ABCA8: variants seen among roughly 807,000 people sequenced by gnomAD.
ABCA8 encodes ABC-type organic anion transporter ABCA8.
A neutral mutation model predicts 192.3 loss-of-function variants in ABCA8; 177 were observed. The ratio of observed to expected loss-of-function variants is 0.92; its 90% CI spans 0.81 to 1.04. The LOEUF (loss-of-function observed/expected upper bound fraction) is 1.04. Ranked by LOEUF, ABCA8 falls within the 50% of genes least tolerant of loss-of-function variation. The probability of loss-of-function intolerance (pLI) is 0.00; values close to 1 mark genes in which losing one functional copy is unlikely to be tolerated. For missense variants in ABCA8, 1,915 were observed against 1,904.8 expected (o/e 1.01, Z -0.10); for synonymous variants, 642 against 690.2 (o/e 0.93, Z 1.09).
Position 68,929,163 on chromosome 17 carries a change from G to A in ABCA8, c.1011C>T (p.Leu337=), listed in dbSNP as rs1362628306. The A allele has an allele frequency of 1.2e-6, 2 of 1,611,662 alleles. No individual in the cohort carries two copies. Among genetic ancestry groups the A allele is most frequent in the South Asian group, 1.1e-5 (1 of 90,474 alleles). The change falls in exon 9 of 40, where the codon CTC becomes CTT. Residue 337 remains leucine (L), a synonymous_variant. Coordinates refer to ENST00000586539, the MANE Select transcript of ABCA8 (RefSeq NM_001288985.2). ...SFLTGLVVFL[L]TVFWGCLGFT... is the part of the protein sequence containing the mutation. ...ACCCCAGACACCCCCAAAAGACAGT[G>A]AGGAGGAACACGACCAGGCCGGTGA...
rs748721374 is a variant in ABCA8 at position 68,868,036 on chromosome 17, G to A, written c.*49C>T. 2 of 1,280,128 alleles carry A rather than the reference G, an allele frequency of 1.6e-6. No individual in the cohort carries two copies. 79.3% of individuals were successfully genotyped at this position (1,280,128 alleles called of 1,614,324 possible). A position where few individuals can be genotyped will look rare whatever the true frequency, so the allele number is the denominator to read the frequency against. On this transcript the variant is annotated 3_prime_UTR_variant, in exon 40 of 40. Coordinates refer to ENST00000586539, the MANE Select transcript of ABCA8 (RefSeq NM_001288985.2). ...GAACATTGCTGCTATAAAAATAAAT[G>A]TATTTAAAAAAAACCACGGGTTTAA...
intron 1 of ABCA8, among the ~76,000 whole-genome samples, chr17:68,953,681 C>T (rs1185704108): frequency 6.6e-6 from 1 of 152,118 alleles, no homozygotes; most frequent in Admixed American, 6.5e-5. Context: ...GAAAATTCAG[C>T]ATGGATACTT....
chr17:68,881,931 C>G lies in ABCA8; in HGVS notation c.3878G>C (p.Arg1293Thr). 7.4e-6 allele frequency: 12 copies of G among 1,614,114 alleles called. No individual in the cohort carries two copies. The highest frequency in any genetic ancestry group is 1.0e-5 in the Non-Finnish European group (12 of 1,179,976). ...CTTCCTCTTGGAAAAACAGCCTTTCCTCTTCCCTGCATACTCCTTGCGTAG... is the reference window on the plus strand; with the variant it reads ...CTTCCTCTTGGAAAAACAGCCTTTCGTCTTCCCTGCATACTCCTTGCGTAG... ...SCLRKEYAGK[R>T]KGCFSKRKNK... Residue 1293 changes from arginine to threonine, a missense_variant, in exon 31 of 40, where the codon AGG (arginine) becomes ACG (threonine). Physicochemically the swap from Arg to Thr is moderately conservative, Grantham distance 71 (BLOSUM62 -1). Coordinates refer to ENST00000586539, the MANE Select transcript of ABCA8 (RefSeq NM_001288985.2).
At chr17:68,924,954 C>T in intron 10 of ABCA8, 85 bp from the exon 11 acceptor site, 1 of 1,387,136 alleles carries the variant, frequency 7.2e-7, no homozygotes, top group East Asian at 2.3e-5. Context: ...GGCAACACAG[C>T]CCTTTGTTGC....
At position 68,922,190 on chromosome 17, in the gene ABCA8, CTCTCTTTTTTTT is replaced by C. The variant is rs1567863679; in HGVS notation, c.1501+40_1501+51del. The C allele has an allele frequency of 2.1e-4, 136 of 639,696 alleles. 1 individual carries two copies. The highest frequency in any genetic ancestry group is 1.9e-3 in the African/African-American group (60 of 31,910). The allele number at this position is 639,696 out of a possible 1,614,324, so 39.6% of individuals were successfully genotyped here. On this transcript the variant is annotated intron_variant, in intron 12 of 39. Coordinates refer to ENST00000586539, the MANE Select transcript of ABCA8 (RefSeq NM_001288985.2). ...AATATAACAAATATTTTCTTTCTCT[CTCTCTTTTTTTT>C]TTTTTTTTTTTTTTTTTTTTTTTTT...
chr17:68,905,829 G>T (rs2067050950), intron 19 of ABCA8, among the ~76,000 whole-genome samples: 1 of 152,100 alleles, frequency 6.6e-6, no homozygotes. Flanking sequence ...GCCCTTAGAA[G>T]CCTAGAGCTA....
At position 68,891,597 on chromosome 17, in the gene ABCA8, C is replaced by G; in HGVS notation, c.3037-1G>C. ...ATCCGATTGGATTGTCCTGTCCATT[C>G]TGAAAAACCCAAAGAATACAATGAA... On this transcript the variant is annotated splice_acceptor_variant, in intron 23 of 39. Transcript: ENST00000586539. LOFTEE classifies it high-confidence loss of function. 1 of 1,600,398 alleles carries G rather than the reference C, an allele frequency of 6.2e-7. No individual in the cohort carries two copies. Among genetic ancestry groups the G allele is most frequent in the Non-Finnish European group, 8.5e-7 (1 of 1,172,382 alleles).
At chr17:68,946,050 A>AAATTAATTAATTAATTAATT (rs34544091) in intron 2 of ABCA8, among the ~76,000 whole-genome samples, 23 of 148,780 alleles carry the variant, frequency 1.5e-4, no homozygotes, top group Admixed American at 1.4e-3. Flanking sequence ...CTTTTTACCA[A>AAATTAATTAATTAATTAATT]AATTAATTAA....
At chr17:68,913,894 G>A (rs2067284001) in intron 17 of ABCA8, among the ~76,000 whole-genome samples, 1 of 151,942 alleles carries the variant, frequency 6.6e-6, no homozygotes, top group East Asian at 1.9e-4. Context: ...GAATATTGAT[G>A]TGAAAATCCT....
chr17:68,946,314 C>T (rs1342877855), intron 2 of ABCA8, among the ~76,000 whole-genome samples: 3 of 152,242 alleles, frequency 2.0e-5, no homozygotes, highest in East Asian at 1.9e-4. Context: ...GATCTGCCCA[C>T]GTTGGCCTCC....
At chr17:68,924,355 A>AC (rs2067633237) in intron 11 of ABCA8, among the ~76,000 whole-genome samples, 1 of 151,914 alleles carries the variant, frequency 6.6e-6, no homozygotes, top group South Asian at 2.1e-4. Context: ...AAAAAAAAAA[A>AC]AAAGGGAGAT....
Position 68,929,198 on chromosome 17 carries a change from T to C in ABCA8, c.976A>G (p.Lys326Glu). The change falls in exon 9 of 40, where the codon AAA becomes GAA. Residue 326 changes from lysine to glutamate, a missense_variant. Coordinates refer to ENST00000586539, the MANE Select transcript of ABCA8 (RefSeq NM_001288985.2). ...LAFLMSILVK[K>E]SFLTGLVVFL... ...ACGACCAGGCCGGTGAGGAAAGATT[T>C]CTTTACCAAGATGCTCATTAAGAAA... 1 of 1,604,748 alleles carries C rather than the reference T, an allele frequency of 6.2e-7. No homozygotes were observed. Among genetic ancestry groups the C allele is most frequent in the East Asian group, 2.2e-5 (1 of 44,770 alleles).
rs370830810 is a variant in ABCA8 at position 68,887,906 on chromosome 17, A to ATATATATATATATG, written c.3145-401_3145-400insCATATATATATATA. Among the ~76,000 whole-genome samples the ATATATATATATATG allele has an allele frequency of 1.1e-3, 68 of 60,870 alleles. 1 individual carries two copies. Among genetic ancestry groups the ATATATATATATATG allele is most frequent in the African/African-American group, 6.1e-3 (65 of 10,576 alleles). 39.9% of individuals were successfully genotyped at this position (60,870 alleles called of 152,430 possible). On this transcript the variant is annotated intron_variant, in intron 24 of 39. Coordinates refer to ENST00000586539, the MANE Select transcript of ABCA8 (RefSeq NM_001288985.2). ...CATATATATATATATATATATATAT[A>ATATATATATATATG]TCCATATATATATATATATTATATA...
At chr17:68,907,936 A>G in intron 17 of ABCA8, 57 bp from the exon 18 acceptor site, 1 of 1,456,686 alleles carries the variant, frequency 6.9e-7, no homozygotes, top group Non-Finnish European at 9.1e-7. Context: ...CTCCAATAGC[A>G]AGAAAATAAT....
chr17:68,945,409 G>A (rs1159118393), intron 2 of ABCA8, among the ~76,000 whole-genome samples: 1 of 151,808 alleles, frequency 6.6e-6, no homozygotes, highest in Non-Finnish European at 1.5e-5. Flanking sequence ...TATTAATTTT[G>A]TCAATCTCTA....
At chr17:68,877,412 G>C in intron 33 of ABCA8, 107 bp downstream of exon 33, 1 of 1,029,974 alleles carries the variant, frequency 9.7e-7, no homozygotes, top group Non-Finnish European at 1.4e-6. Context: ...AGTGTGACCT[G>C]GGTCAGCATT....
chr17:68,933,340 C>T (rs2067964501), intron 5 of ABCA8, 69 bp from the exon 6 acceptor site: 3 of 998,144 alleles, frequency 3.0e-6, no homozygotes, highest in Non-Finnish European at 4.5e-6. Context: ...GATTTTAATA[C>T]TGATTATAGC....
rs2068085178 is a variant in ABCA8 at position 68,936,980 on chromosome 17, G to A, written c.437C>T (p.Pro146Leu). Residue 146 changes from proline to leucine, a missense_variant, in exon 5 of 40, where the codon CCA (proline) becomes CTA (leucine). Physicochemically the swap from Pro to Leu is moderately conservative, Grantham distance 98 (BLOSUM62 -3). Coordinates refer to ENST00000586539, the MANE Select transcript of ABCA8 (RefSeq NM_001288985.2). ...ATGGTCCTTGTGCTCCTTCTTTGCT[G>A]GCATTCCATGTCCTAGCAAGAACTT... is the stretch of plus-strand genomic sequence containing the variant. ...HLKFLLGHGM[P>L]AKKEHKDHTA... is the part of the protein sequence containing the mutation. The A allele has an allele frequency of 1.2e-6, 2 of 1,601,606 alleles. No individual in the cohort carries two copies. Among genetic ancestry groups the A allele is most frequent in the African/African-American group, 2.7e-5 (2 of 73,986 alleles).
chr17:68,884,713 G>A (rs372985160), intron 27 of ABCA8: 5 of 1,070,204 alleles, frequency 4.7e-6, no homozygotes, highest in East Asian at 6.6e-5. Flanking sequence ...TGTGCCCATC[G>A]TTTCTCTTTG....
Sources: gnomAD v4.1 joint callset for allele counts (sites outside exome capture counted in the v4.1 genomes callset) on GRCh38, gnomAD v4.1.1 for gene constraint, MANE v1.5 for transcripts, NCBI Gene and HGNC (gene_info 2026-07-23, HGNC 2026-07-21) for gene names.